SPOCD1: variants seen among roughly 807,000 people sequenced by gnomAD.
SPOCD1 encodes SPOC domain containing 1.
Under a neutral mutation model 92.2 loss-of-function variants are expected in SPOCD1, and 64 were observed. The ratio of observed to expected loss-of-function variants is 0.69; its 90% CI spans 0.57 to 0.86. The LOEUF is 0.86. Among genes scored for constraint, SPOCD1 ranks in the 40% least tolerant of loss-of-function variants. The probability of loss-of-function intolerance (pLI) is 0.00; values close to 1 mark genes in which losing one functional copy is unlikely to be tolerated. For missense variants in SPOCD1, 1,360 were observed against 1,543.1 expected (o/e 0.88, Z 1.99); for synonymous variants, 578 against 619.3 (o/e 0.93, Z 0.99).
chr1:31,807,963 C>A (rs1466140063), intron 2 of SPOCD1, among the ~76,000 whole-genome samples: 1 of 152,084 alleles, frequency 6.6e-6, no homozygotes. Context: ...CTGAATAAAC[C>A]TATAGCCACA....
At position 31,799,441 on chromosome 1, in the gene SPOCD1, C is replaced by T. The variant is rs1191333064; in HGVS notation, c.1828G>A (p.Gly610Ser). ...EKPSLYIGVR[G>S]TVVRSMQEVL... Reference sequence around the variant, plus strand: ...TCCTGCATGGAACGGACAACAGTGCCCCGCACCCCAATATACAGGGATGGC... The same window carrying T: ...TCCTGCATGGAACGGACAACAGTGCTCCGCACCCCAATATACAGGGATGGC... Residue 610 changes from glycine (G) to serine (S), a missense_variant, in exon 7 of 16, where the codon GGC (glycine) becomes AGC (serine). Around this residue, in one of 3 missense-constraint regions of SPOCD1, gnomAD observed 606 missense variants for 601.5 expected, o/e 1.01. Transcript: ENST00000360482. 3 of 1,611,986 alleles carry T rather than the reference C, an allele frequency of 1.9e-6. No individual in the cohort carries two copies. Among genetic ancestry groups the T allele is most frequent in the South Asian group, 2.2e-5 (2 of 90,472 alleles).
intron 2 of SPOCD1, among the ~76,000 whole-genome samples, chr1:31,802,423 T>C (rs1021699789): frequency 3.9e-5 from 6 of 152,286 alleles, no homozygotes; most frequent in Admixed American, 1.3e-4. Context: ...AAAAGTCCTA[T>C]AGCTGCTAAG....
intron 15 of SPOCD1, 183 bp downstream of exon 15, chr1:31,792,032 C>T: frequency 1.5e-6 from 1 of 650,436 alleles, no homozygotes; most frequent in Non-Finnish European, 2.6e-6. Context: ...AGAACAATGG[C>T]TGGCATGCAG....
chr1:31,799,995 G>C (rs748044359), intron 5 of SPOCD1, 21 bp downstream of exon 5: 5 of 1,611,708 alleles, frequency 3.1e-6, no homozygotes, highest in Non-Finnish European at 4.2e-6. Flanking sequence ...GGAGGCACAT[G>C]GCCGGGGCAG....
chr1:31,815,341 C>A lies in SPOCD1; in HGVS notation c.-8G>T. 6.6e-7 allele frequency: 1 copy of A among 1,525,622 alleles called. No individual in the cohort carries two copies. 94.5% of individuals were successfully genotyped at this position (1,525,622 alleles called of 1,614,324 possible). On this transcript the variant is annotated 5_prime_UTR_variant, in exon 2 of 16. Coordinates refer to ENST00000360482, the MANE Select transcript of SPOCD1 (RefSeq NM_144569.7). ...GTCCCCCGCCTGGGACATGTCTGTC[C>A]ACCTACCTGGGCCAAAAGCACAACA...
rs1285644994 is a variant in SPOCD1 at position 31,800,631 on chromosome 1, C to G, written c.1426-14G>C. Reference sequence around the variant, plus strand: ...CCCGGAACCCAGCTGCGGGGGAGATCGCACTTCAGAAGCAAGCGGGGCCAG... The same window carrying G: ...CCCGGAACCCAGCTGCGGGGGAGATGGCACTTCAGAAGCAAGCGGGGCCAG... On this transcript the variant is annotated splice_polypyrimidine_tract_variant and intron_variant, in intron 3 of 15. Transcript: ENST00000360482. 6.3e-7 allele frequency: 1 copy of G among 1,589,484 alleles called. No individual in the cohort carries two copies. The highest frequency in any genetic ancestry group is 1.1e-5 in the South Asian group (1 of 88,872).
chr1:31,814,763 C>A lies in SPOCD1; in HGVS notation c.571G>T (p.Gly191Ter). 1 of 1,613,670 alleles carries A rather than the reference C, an allele frequency of 6.2e-7. No homozygotes were observed. Among genetic ancestry groups the A allele is most frequent in the Non-Finnish European group, 8.5e-7 (1 of 1,179,812 alleles). ...SPTLSKEEPP[G>*]RPLTSSPDPV... ...TCTGGTGAGGATGTCAGGGGCCTTC[C>A]AGGGGGCTCCTCTTTGCTGAGTGTG... Residue 191 changes from glycine (G) to a stop codon, truncating the protein, a stop_gained, in exon 2 of 16, where the codon GGA (glycine) becomes TGA (stop). Coordinates refer to ENST00000360482, the MANE Select transcript of SPOCD1 (RefSeq NM_144569.7). LOFTEE classifies it high-confidence loss of function. This position sits in a 1 kb window ranked among gnomAD's most constrained non-coding sequence, Gnocchi z 4.2.
Position 31,815,114 on chromosome 1 carries a change from C to T in SPOCD1, c.220G>A (p.Gly74Ser), listed in dbSNP as rs1233893034. Residue 74 changes from glycine to serine, a missense_variant, in exon 2 of 16, where the codon GGT becomes AGT. By Grantham distance (56) the Gly-to-Ser change is moderately conservative (BLOSUM62 0). This residue lies in a region of SPOCD1 where 140 missense variants were observed against 183.8 expected (regional missense o/e 0.76). Coordinates refer to ENST00000360482, the MANE Select transcript of SPOCD1 (RefSeq NM_144569.7). Reference protein sequence around the residue: ...ALRGGSSRAAGAAEVRPGVLE... With the variant: ...ALRGGSSRAASAAEVRPGVLE... ...ACCCCTGGCCGGACCTCAGCAGCAC[C>T]TGCAGCCCGGGAGCTGCCACCTCGA... 1 of 1,611,048 alleles carries T rather than the reference C, an allele frequency of 6.2e-7. No homozygotes were observed. Among genetic ancestry groups the T allele is most frequent in the East Asian group, 2.2e-5 (1 of 44,760 alleles).
chr1:31,798,894 T>C lies in SPOCD1; in HGVS notation c.1869-293A>G. 1 of 568,440 alleles carries C rather than the reference T, an allele frequency of 1.8e-6. No homozygotes were observed. 35.2% of individuals were successfully genotyped at this position (568,440 alleles called of 1,614,324 possible). ...AACTCGACTGTCTGACTCACCAGCC[T>C]GTGCCCCGTCTCTGGCTCACGGGAT... On this transcript the variant is annotated intron_variant, in intron 7 of 15. Coordinates refer to ENST00000360482, the MANE Select transcript of SPOCD1 (RefSeq NM_144569.7). This position sits in a 1 kb window ranked among gnomAD's most constrained non-coding sequence, Gnocchi z 4.1.
chr1:31,809,149 A>G (rs1649034770), intron 2 of SPOCD1, among the ~76,000 whole-genome samples: 1 of 152,222 alleles, frequency 6.6e-6, no homozygotes, highest in Non-Finnish European at 1.5e-5. Context: ...AGATCATGCC[A>G]CTGTACTCCA....
chr1:31,792,551 C>G, intron 14 of SPOCD1, 127 bp downstream of exon 14: 2 of 1,138,340 alleles, frequency 1.8e-6, no homozygotes, highest in Non-Finnish European at 2.5e-6. Flanking sequence ...CAGGGTCACA[C>G]AGTGAGTCTG....
In SPOCD1 at chr1:31,799,717, T is replaced by C. The variant is rs911340292; in HGVS notation, c.1783+92A>G. ...ATGGGATGTGGGGAGAGAAGAATCATAGCAGGGGCTGGGCCCAGGAGCTGG... is the reference window on the plus strand; with the variant it reads ...ATGGGATGTGGGGAGAGAAGAATCACAGCAGGGGCTGGGCCCAGGAGCTGG... On this transcript the variant is annotated intron_variant, in intron 6 of 15. Transcript: ENST00000360482. 5.4e-6 allele frequency: 8 copies of C among 1,468,306 alleles called. No homozygotes were observed. In the African/African-American group the frequency reaches 7.0e-5, roughly 13 times the overall value. The allele number at this position is 1,468,306 out of a possible 1,614,324, so 91.0% of individuals were successfully genotyped here.
In SPOCD1 at chr1:31,792,355, T is replaced by C. The variant is rs1279693808; in HGVS notation, c.2822A>G (p.Gln941Arg). Reference sequence around the variant, plus strand: ...GTATGAGTAGAGCAGGCGGCAGTTCTGGGTGTCCCGGGCCCCATGTGGGCA... The same window carrying C: ...GTATGAGTAGAGCAGGCGGCAGTTCCGGGTGTCCCGGGCCCCATGTGGGCA... ...RLCPHGARDT[Q>R]NCRLLYSYLN... The change falls in exon 15 of 16, where the codon CAG (glutamine) becomes CGG (arginine). Residue 941 changes from glutamine to arginine, a missense_variant. Gln to Arg is a conservative substitution (Grantham distance 43, BLOSUM62 1). Around this residue, in one of 3 missense-constraint regions of SPOCD1, gnomAD observed 614 missense variants for 757.8 expected, o/e 0.81. Transcript: ENST00000360482. The C allele has an allele frequency of 6.2e-7, 1 of 1,613,970 alleles. No homozygotes were observed. The highest frequency in any genetic ancestry group is 2.2e-5 in the East Asian group (1 of 44,878).
chr1:31,815,384 CAGAA>C lies in SPOCD1; in HGVS notation c.-39-16_-39-13del. On this transcript the variant is annotated splice_polypyrimidine_tract_variant and intron_variant, in intron 1 of 15. Coordinates refer to ENST00000360482, the MANE Select transcript of SPOCD1 (RefSeq NM_144569.7). ...GCACAACACGGGCCCTGTGTGGAGACAGAAAGAGGAGACTTTGTCTTGGAGAGTC... is the reference window on the plus strand; with the variant it reads ...GCACAACACGGGCCCTGTGTGGAGACAGAGGAGACTTTGTCTTGGAGAGTC... The C allele has an allele frequency of 2.0e-6, 3 of 1,494,122 alleles. No individual in the cohort carries two copies. The highest frequency in any genetic ancestry group is 2.7e-6 in the Non-Finnish European group (3 of 1,119,694). The allele number at this position is 1,494,122 out of a possible 1,614,324, so 92.6% of individuals were successfully genotyped here.
intron 9 of SPOCD1, among the ~76,000 whole-genome samples, chr1:31,797,213 G>A (rs1038633327): frequency 6.6e-6 from 1 of 152,180 alleles, no homozygotes; most frequent in African/African-American, 2.4e-5. Flanking sequence ...TGCTAGTTGT[G>A]AGTCTTACTG....
chr1:31,814,444 G>A lies in SPOCD1; in HGVS notation c.890C>T (p.Pro297Leu). Residue 297 changes from proline (P) to leucine (L), a missense_variant, in exon 2 of 16, where the codon CCA becomes CTA. By Grantham distance (98) the Pro-to-Leu change is moderately conservative. Coordinates refer to ENST00000360482, the MANE Select transcript of SPOCD1 (RefSeq NM_144569.7). This position sits in a 1 kb window ranked among gnomAD's most constrained non-coding sequence, Gnocchi z 4.2. ...CCCGACAGGGCCACAGGGGCTGCCTGGCTGGGGCCCATCCCCTGTAGCGGG... is the reference window on the plus strand; with the variant it reads ...CCCGACAGGGCCACAGGGGCTGCCTAGCTGGGGCCCATCCCCTGTAGCGGG... ...YLPATGDGPQ[P>L]GSPCGPVGFP... 1 of 1,604,008 alleles carries A rather than the reference G, an allele frequency of 6.2e-7. No individual in the cohort carries two copies. The highest frequency in any genetic ancestry group is 8.5e-7 in the Non-Finnish European group (1 of 1,174,616).
chr1:31,814,669 GC>G lies in SPOCD1; in HGVS notation c.664del (p.Ala222LeufsTer204), dbSNP rs1385246102. The G allele has an allele frequency of 1.9e-6, 3 of 1,558,924 alleles. No homozygotes were observed. The highest frequency in any genetic ancestry group is 1.7e-6 in the Non-Finnish European group (2 of 1,154,360). On this transcript the variant is annotated frameshift_variant, in exon 2 of 16. Transcript: ENST00000360482. LOFTEE classifies it high-confidence loss of function. The surrounding 1 kb of genome is among the most constrained non-coding windows in gnomAD (Gnocchi z 4.2). ...QGAHSECEEG[A>X]GDFLWLDQSP... ...CTGATCAAGCCACAGGAAGTCACCA[GC>G]CCCTTCCTCACACTCTGAATGAGCC...
chr1:31,811,217 A>G (rs1649175135), intron 2 of SPOCD1, among the ~76,000 whole-genome samples: 1 of 152,196 alleles, frequency 6.6e-6, no homozygotes, highest in Admixed American at 6.5e-5. Context: ...CATGCCTGTA[A>G]TCCCAGCACT....
At chr1:31,799,785 G>T (rs368517574) in intron 6 of SPOCD1, 24 bp downstream of exon 6, 1 of 1,613,240 alleles carries the variant, frequency 6.2e-7, no homozygotes. Context: ...GGAAGCAGAA[G>T]AGGCTCCCTC....
Sources: gnomAD v4.1 joint callset for allele counts (sites outside exome capture counted in the v4.1 genomes callset) on GRCh38, gnomAD v4.1.1 for gene constraint, gnomAD v4.1.1 regional missense constraint, Gnocchi (gnomAD v3.1) non-coding constraint, MANE v1.5 for transcripts, NCBI Gene and HGNC (gene_info 2026-07-23, HGNC 2026-07-21) for gene names.